The following PRH1 variants were observed in gnomAD, a reference collection of about 807,000 sequenced individuals.
PRH1 encodes proline rich protein HaeIII subfamily 1.
Under a neutral mutation model 7.9 loss-of-function variants are expected in PRH1, and 7 were observed. That is an observed-to-expected ratio of 0.89 (90% CI 0.50 to 1.67). The LOEUF (loss-of-function observed/expected upper bound fraction) is 1.67, where lower values mean the gene tolerates loss of function less well. Among genes scored for constraint, PRH1 ranks in the 40% most tolerant of loss-of-function variants. The pLI, the probability that PRH1 is intolerant of heterozygous loss-of-function variation, is 0.00. For synonymous variants in PRH1, 45 were observed against 80.8 expected, an observed-to-expected ratio of 0.56 and a Z score of 2.38; for missense variants, 109 against 223.6, an observed-to-expected ratio of 0.49 and a Z score of 3.27.
rs1342889824 is a variant in PRH1, at chr12:10,882,292, T to C, written c.507A>G (p.Gly169=). ...PPPPPPGKPQ[G]PPPQGGRPQG... ...GTGGGCGGCCCCCTTGGGGAGGTGGTCCCTGGGGCTTTCCAGGAGGAGGTG... is the reference window on the plus strand; with the variant it reads ...GTGGGCGGCCCCCTTGGGGAGGTGGCCCCTGGGGCTTTCCAGGAGGAGGTG... The change falls in exon 3 of 4, where the codon GGA becomes GGG. Residue 169 remains glycine, a synonymous_variant. Coordinates refer to ENST00000543626, the MANE Select transcript of PRH1 (RefSeq NM_001393989.1). 1.2e-6 allele frequency: 2 copies of C among 1,610,534 alleles called. No individual in the cohort carries two copies. Among genetic ancestry groups the C allele is most frequent in the Non-Finnish European group, 1.7e-6 (2 of 1,178,826 alleles).
At chr12:11,168,295 AG>A (rs1565725949) in intron 1 of PRH1, among the ~76,000 whole-genome samples, 289 of 22,696 alleles carry the variant, frequency 0.013, 69 homozygotes, top group African/African-American at 0.033. Flanking sequence ...AAAGAAAGAA[AG>A]AAAGAAGGAA....
intron 1 of PRH1, among the ~76,000 whole-genome samples, chr12:11,019,202 A>G (rs1356977234): frequency 1.3e-5 from 2 of 152,282 alleles, no homozygotes; most frequent in Non-Finnish European, 2.9e-5. Context: ...CCACGGACTA[A>G]TATTTGTTGT....
chr12:11,037,624 A>T (rs1400085821), intron 1 of PRH1, among the ~76,000 whole-genome samples: 1 of 152,280 alleles, frequency 6.6e-6, no homozygotes, highest in East Asian at 1.9e-4. Flanking sequence ...AAATAATCAA[A>T]TTGGAAATAA....
At chr12:10,943,984 A>T (rs1236784278) in intron 2 of PRH1, among the ~76,000 whole-genome samples, 15 of 152,124 alleles carry the variant, frequency 9.9e-5, no homozygotes, top group Non-Finnish European at 1.3e-4. Flanking sequence ...TCTGTAACAT[A>T]GTTTGAAGTT....
chr12:10,973,427 T>A (rs1021654587), intron 2 of PRH1: 4 of 369,320 alleles, frequency 1.1e-5, no homozygotes, highest in Non-Finnish European at 1.9e-5. Flanking sequence ...ACCCAGATAC[T>A]CTGTTTCATA....
intron 2 of PRH1, among the ~76,000 whole-genome samples, chr12:10,930,047 CAG>C (rs1950181003): frequency 1.3e-5 from 2 of 152,252 alleles, no homozygotes; most frequent in South Asian, 4.1e-4. Flanking sequence ...AGAGGACAAA[CAG>C]GGGCCCTTCT....
At chr12:11,153,003 CCT>C (rs1947145700) in intron 1 of PRH1, among the ~76,000 whole-genome samples, 2 of 152,010 alleles carry the variant, frequency 1.3e-5, no homozygotes, top group South Asian at 4.2e-4. Flanking sequence ...TATTCATGAC[CCT>C]GTTTCCAACG....
intron 1 of PRH1, among the ~76,000 whole-genome samples, chr12:11,070,975 G>C (rs1230372007): frequency 8.3e-6 from 1 of 119,910 alleles, no homozygotes; most frequent in Non-Finnish European, 2.0e-5. Context: ...AAAAGAGAAT[G>C]AATTATGATT....
intron 2 of PRH1, among the ~76,000 whole-genome samples, chr12:10,903,091 C>T (rs369836836): frequency 9.2e-5 from 14 of 152,084 alleles, no homozygotes; most frequent in South Asian, 2.1e-4. Flanking sequence ...CAAAAGTCAT[C>T]GGTCTGCTGT....
At chr12:11,170,403 C>T (rs1260430165) in intron 1 of PRH1, among the ~76,000 whole-genome samples, 4 of 152,148 alleles carry the variant, frequency 2.6e-5, no homozygotes, top group Non-Finnish European at 4.4e-5. Flanking sequence ...AAAAATTAGC[C>T]GGGCATGGTG....
chr12:10,968,846 G>A (rs1591744351), intron 2 of PRH1, among the ~76,000 whole-genome samples: 3 of 152,230 alleles, frequency 2.0e-5, no homozygotes, highest in Admixed American at 2.0e-4. Context: ...CTGAAACCTC[G>A]AGGGGGAGGG....
chr12:10,916,947 A>G (rs1338722739), intron 2 of PRH1, among the ~76,000 whole-genome samples: 1 of 152,130 alleles, frequency 6.6e-6, no homozygotes, highest in Non-Finnish European at 1.5e-5. Flanking sequence ...ATGGTGGTGC[A>G]CATCTGTAGT....
rs554825685 is a variant in PRH1, at chr12:10,971,812, A to T, written c.-59+1843T>A. The stretch of plus-strand genomic sequence containing the variant: ...ACATTTTATAATTCTTTTTCTATTC[A>T]ATTTTAAAACGTAACTTTAGTTCAA... On this transcript the variant is annotated intron_variant, in intron 2 of 3. Transcript: ENST00000539853. 9.9e-5 allele frequency among the ~76,000 whole-genome samples: 15 copies of T among 152,180 alleles called. No homozygotes were observed. In the East Asian group the frequency reaches 2.3e-3, roughly 24 times the overall value.
intron 1 of PRH1, among the ~76,000 whole-genome samples, chr12:11,154,866 C>A (rs1947205762): frequency 6.6e-6 from 1 of 152,088 alleles, no homozygotes; most frequent in African/African-American, 2.4e-5. Context: ...ATCAGAGACA[C>A]AGACAGAAGG....
chr12:11,017,619 G>A (rs1484789700), intron 1 of PRH1, among the ~76,000 whole-genome samples: 3 of 151,922 alleles, frequency 2.0e-5, no homozygotes, highest in Admixed American at 1.3e-4. Context: ...TGAGTAGCTG[G>A]GTTTACGGGC....
At chr12:11,122,114 C>T (rs2136326807) in intron 1 of PRH1, among the ~76,000 whole-genome samples, 1 of 150,700 alleles carries the variant, frequency 6.6e-6, no homozygotes, top group African/African-American at 2.4e-5. Context: ...GTGTGCACTC[C>T]TGTAACTTGC....
At chr12:11,147,446 C>T (rs564408757) in intron 1 of PRH1, among the ~76,000 whole-genome samples, 1 of 152,260 alleles carries the variant, frequency 6.6e-6, no homozygotes, top group Non-Finnish European at 1.5e-5. Flanking sequence ...CCTGGGCCTC[C>T]CAACATGCTG....
chr12:11,117,263 G>A (rs1432470390), downstream of PRH1, among the ~76,000 whole-genome samples: 1 of 152,052 alleles, frequency 6.6e-6, no homozygotes, highest in Non-Finnish European at 1.5e-5. Flanking sequence ...ATTTCTACAT[G>A]CCAATAGTGA....
intron 2 of PRH1, among the ~76,000 whole-genome samples, chr12:10,919,176 ATTG>A (rs1235032561): frequency 1.3e-5 from 2 of 152,188 alleles, no homozygotes; most frequent in African/African-American, 2.4e-5. Context: ...AAATTGCAAT[ATTG>A]TTGTTACAAT....
Sources: gnomAD v4.1 joint callset for allele counts (sites outside exome capture counted in the v4.1 genomes callset) on GRCh38, gnomAD v4.1.1 for gene constraint, MANE v1.5 for transcripts, NCBI Gene and HGNC (gene_info 2026-07-23, HGNC 2026-07-21) for gene names.